Variants in KIAA1328 observed in about 807,000 individuals in gnomAD.
KIAA1328 encodes KIAA1328, also known as protein hinderin.
A neutral mutation model predicts 68.1 loss-of-function variants in KIAA1328; 52 were observed. The ratio of observed to expected loss-of-function variants is 0.76; its 90% CI spans 0.61 to 0.96. The LOEUF (loss-of-function observed/expected upper bound fraction) is 0.96. Ranked by LOEUF, KIAA1328 falls within the 40% of genes least tolerant of loss-of-function variation. The pLI, the probability that KIAA1328 is intolerant of heterozygous loss-of-function variation, is 0.00. For missense variants in KIAA1328, 641 were observed against 677.6 expected (o/e 0.95, Z 0.60); for synonymous variants, 232 against 239.4 (o/e 0.97, Z 0.28).
At chr18:37,216,053 A>G (rs766848292) in intron 9 of KIAA1328, among the ~76,000 whole-genome samples, 43 of 151,874 alleles carry the variant, frequency 2.8e-4, no homozygotes, top group Non-Finnish European at 5.4e-4. Flanking sequence ...TTCCTTATTA[A>G]TCTTGCTATT....
rs781651671 is a variant in KIAA1328 at position 37,014,806 on chromosome 18, G to C, written c.577-52084G>C. 1.3e-5 allele frequency among the ~76,000 whole-genome samples: 2 copies of C among 152,278 alleles called. 1 individual carries two copies. The highest frequency in any genetic ancestry group is 4.1e-4 in the South Asian group (2 of 4,822). On this transcript the variant is annotated intron_variant, in intron 6 of 9. Coordinates refer to ENST00000280020, the MANE Select transcript of KIAA1328 (RefSeq NM_020776.3). ...AATTACAATTCAATGTGAGATTTGG[G>C]TGGAGACACCCAAACCGTATCAAAT...
chr18:37,151,685 C>T (rs1403409498), intron 7 of KIAA1328, among the ~76,000 whole-genome samples: 1 of 152,010 alleles, frequency 6.6e-6, no homozygotes, highest in African/African-American at 2.4e-5. Flanking sequence ...AAAAGGAAAG[C>T]TTTTTAAACA....
intron 9 of KIAA1328, among the ~76,000 whole-genome samples, chr18:37,177,832 T>C (rs2059623941): frequency 6.6e-6 from 1 of 152,112 alleles, no homozygotes; most frequent in Admixed American, 6.6e-5. Context: ...ATAGTTTATT[T>C]TTATTAATTG....
intron 6 of KIAA1328, among the ~76,000 whole-genome samples, chr18:37,013,088 G>A (rs1353225907): frequency 6.6e-6 from 1 of 152,040 alleles, no homozygotes; most frequent in Non-Finnish European, 1.5e-5. Flanking sequence ...ACATCTTAAG[G>A]CCATTTTGGT....
At position 36,952,639 on chromosome 18, in the gene KIAA1328, T is replaced by C. The variant is rs577779239; in HGVS notation, c.449-6669T>C. On this transcript the variant is annotated intron_variant, in intron 5 of 9. Coordinates refer to ENST00000280020, the MANE Select transcript of KIAA1328 (RefSeq NM_020776.3). The stretch of plus-strand genomic sequence containing the variant: ...CTGACACCTAAGTCTATGCGTTTAC[T>C]GAATCCACAGTACTGCCTTTGTACG... 1.7e-3 allele frequency among the ~76,000 whole-genome samples: 266 copies of C among 152,342 alleles called. 1 individual carries two copies. Among genetic ancestry groups the C allele is most frequent in the African/African-American group, 6.3e-3 (264 of 41,590 alleles).
chr18:37,056,504 C>T (rs1227272588), intron 6 of KIAA1328, among the ~76,000 whole-genome samples: 1 of 151,912 alleles, frequency 6.6e-6, no homozygotes, highest in Admixed American at 6.6e-5. Context: ...TATTATGCTT[C>T]AATTCTGTCG....
At chr18:37,125,020 G>T (rs2058358769) in intron 7 of KIAA1328, among the ~76,000 whole-genome samples, 1 of 152,174 alleles carries the variant, frequency 6.6e-6, no homozygotes, top group Non-Finnish European at 1.5e-5. Context: ...TAATGAAGAT[G>T]AAAACAGAAC....
intron 6 of KIAA1328, among the ~76,000 whole-genome samples, chr18:36,988,975 C>T (rs2053059091): frequency 6.6e-6 from 1 of 152,112 alleles, no homozygotes. Flanking sequence ...ACCTAGCATG[C>T]AGTAAATGCT....
intron 9 of KIAA1328, among the ~76,000 whole-genome samples, chr18:37,174,380 C>CTTTTTTT: frequency 8.3e-6 from 1 of 120,610 alleles, no homozygotes; most frequent in Non-Finnish European, 1.7e-5. Flanking sequence ...TGCTTTCTTC[C>CTTTTTTT]TTTTTTTTTT....
intron 7 of KIAA1328, among the ~76,000 whole-genome samples, chr18:37,140,345 T>C (rs1320897855): frequency 6.6e-6 from 1 of 152,162 alleles, no homozygotes; most frequent in African/African-American, 2.4e-5. Flanking sequence ...GCATTTTAAT[T>C]CAATAAAACA....
chr18:37,187,332 G>A (rs977753660), intron 9 of KIAA1328, among the ~76,000 whole-genome samples: 5 of 152,134 alleles, frequency 3.3e-5, no homozygotes, highest in African/African-American at 7.2e-5. Context: ...TCTGAGGTGC[G>A]TTGGGATTTG....
intron 7 of KIAA1328, among the ~76,000 whole-genome samples, chr18:37,152,382 A>G (rs2059055313): frequency 6.6e-6 from 1 of 152,152 alleles, no homozygotes; most frequent in Non-Finnish European, 1.5e-5. Flanking sequence ...TTCCCCTGGT[A>G]TCGTCTCCAG....
chr18:37,074,073 G>T (rs540402375), intron 7 of KIAA1328, among the ~76,000 whole-genome samples: 1 of 152,308 alleles, frequency 6.6e-6, no homozygotes, highest in African/African-American at 2.4e-5. Context: ...GACCTTTGCT[G>T]GTGGGAATGG....
At chr18:37,209,193 A>T (rs543812018) in intron 9 of KIAA1328, among the ~76,000 whole-genome samples, 3 of 152,344 alleles carry the variant, frequency 2.0e-5, no homozygotes, top group East Asian at 1.9e-4. Context: ...GAATTGATGG[A>T]TGGGTAACAC....
At chr18:37,014,264 A>G (rs1402441566) in intron 6 of KIAA1328, among the ~76,000 whole-genome samples, 1 of 152,212 alleles carries the variant, frequency 6.6e-6, no homozygotes, top group African/African-American at 2.4e-5. Context: ...CATTGCATGC[A>G]AATATTTTCT....
Position 37,067,371 on chromosome 18 carries a change from A to C in KIAA1328, c.1058A>C (p.Gln353Pro). 6.2e-7 allele frequency: 1 copy of C among 1,613,774 alleles called. No homozygotes were observed. Among genetic ancestry groups the C allele is most frequent in the Non-Finnish European group, 8.5e-7 (1 of 1,179,772 alleles). Residue 353 changes from glutamine (Q) to proline (P), a missense_variant, in exon 7 of 10, where the codon CAA becomes CCA. Gln to Pro is a moderately conservative substitution (Grantham distance 76). Transcript: ENST00000280020. Reference protein sequence around the residue: ...ASLVHGGGALQPIETLKKQIS... With the variant: ...ASLVHGGGALPPIETLKKQIS... ...CTGGTGCATGGTGGTGGGGCACTGC[A>C]ACCCATTGAAACTTTGAAAAAGCAG...
chr18:36,932,478 C>T (rs1268316726), intron 5 of KIAA1328, among the ~76,000 whole-genome samples: 1 of 152,142 alleles, frequency 6.6e-6, no homozygotes, highest in Non-Finnish European at 1.5e-5. Flanking sequence ...CCCACCTTAG[C>T]CTTCCAAAGT....
At position 37,067,495 on chromosome 18, in the gene KIAA1328, G is replaced by C. The variant is rs753394860; in HGVS notation, c.1182G>C (p.Lys394Asn). The C allele has an allele frequency of 2.7e-5, 42 of 1,545,644 alleles. 1 individual carries two copies. Among genetic ancestry groups the C allele is most frequent in the Middle Eastern group, 3.3e-4 (2 of 5,998 alleles). Residue 394 changes from lysine (K) to asparagine (N), a missense_variant, in exon 7 of 10, where the codon AAG becomes AAC. Coordinates refer to ENST00000280020, the MANE Select transcript of KIAA1328 (RefSeq NM_020776.3). The stretch of plus-strand genomic sequence containing the variant: ...ATCTGCTGGCCCAGCAGGAGACAAA[G>C]CTTCTTCTAAAACAGCAGCAGCTTC... ...LQHLLAQQET[K>N]LLLKQQQLHQ...
intron 6 of KIAA1328, 54 bp from the exon 7 acceptor site, chr18:37,066,832 CGAAA>C (rs1191585719): frequency 7.0e-7 from 1 of 1,432,088 alleles, no homozygotes; most frequent in Non-Finnish European, 9.3e-7. Context: ...AAAAACCAAA[CGAAA>C]GAACTTGTTT....
Sources: gnomAD v4.1 joint callset for allele counts (sites outside exome capture counted in the v4.1 genomes callset) on GRCh38, gnomAD v4.1.1 for gene constraint, MANE v1.5 for transcripts, NCBI Gene and HGNC (gene_info 2026-07-23, HGNC 2026-07-21) for gene names.